The following ZNF816 variants were observed in gnomAD, a reference collection of about 807,000 sequenced individuals.
The protein encoded by ZNF816 is zinc finger protein 816.
In ZNF816, 11 loss-of-function variants were observed where a neutral mutation model predicts 8.3. The ratio of observed to expected loss-of-function variants is 1.32; its 90% confidence interval spans 0.83 to 2.19. ZNF816 has a LOEUF of 2.19. Ranked by LOEUF, ZNF816 falls within the 30% of genes most tolerant of loss-of-function variation. The pLI is 0.00. For missense variants in ZNF816, 710 were observed against 779.3 expected, an observed-to-expected ratio of 0.91 and a Z score of 1.06; for synonymous variants, 255 against 254.5, an observed-to-expected ratio of 1.00 and a Z score of -0.02.
intron 1 of ZNF816, among the ~76,000 whole-genome samples, chr19:52,961,575 A>T (rs2083557265): frequency 6.6e-6 from 1 of 152,052 alleles, no homozygotes; most frequent in South Asian, 2.1e-4. Context: ...AATTCCCTAG[A>T]CCCCCGTTAG....
At chr19:52,958,439 A>G (rs1160872980) in intron 1 of ZNF816, among the ~76,000 whole-genome samples, 11 of 152,022 alleles carry the variant, frequency 7.2e-5, no homozygotes, top group Non-Finnish European at 1.6e-4. Context: ...GTACTCTTGG[A>G]CCCGGCTTCT....
rs180913203 is a variant in ZNF816, at chr19:52,961,260, A to G, written c.-16+1467T>C. ...TGGTCCTTTCCTAGGTGACACAAGT[A>G]AAATAATAACTAGAACAGAAGAAAA... is the stretch of plus-strand genomic sequence containing the variant. On this transcript the variant is annotated intron_variant, in intron 1 of 3. Transcript: ENST00000444460. Among the ~76,000 whole-genome samples, 715 of 152,322 alleles carry G rather than the reference A, an allele frequency of 4.7e-3. 1 individual carries two copies. Among genetic ancestry groups the G allele is most frequent in the Admixed American group, 7.2e-3 (110 of 15,300 alleles).
In ZNF816 at chr19:52,951,022, A is replaced by C; in HGVS notation, c.753T>G (p.His251Gln). 3.7e-6 allele frequency: 6 copies of C among 1,614,072 alleles called. No individual in the cohort carries two copies. The highest frequency in any genetic ancestry group is 5.1e-6 in the Non-Finnish European group (6 of 1,180,016). Residue 251 changes from histidine to glutamine, a missense_variant, in exon 4 of 4, where the codon CAT becomes CAG. Transcript: ENST00000444460. ...CACATTTATATTCTCTCTCTCTTGAATGGGTTATGTGGTGTCTCCTTAAGA... is the reference window on the plus strand; with the variant it reads ...CACATTTATATTCTCTCTCTCTTGACTGGGTTATGTGGTGTCTCCTTAAGA... ...SSLLRRHHITHSREREYKCDV... is the reference protein window; with the variant it reads ...SSLLRRHHITQSREREYKCDV...
chr19:52,950,150 C>G lies in ZNF816; in HGVS notation c.1625G>C (p.Cys542Ser). ...TGAATCACTCCGGAAAGCCTTGTCA[C>G]AAACCTTACATTTGTATGGTTTTTC... ...TGEKPYKCKVCDKAFRSDSCL... is the reference protein window; with the variant it reads ...TGEKPYKCKVSDKAFRSDSCL... The change falls in exon 4 of 4, where the codon TGT (cysteine) becomes TCT (serine). Residue 542 changes from cysteine to serine, a missense_variant. Cys to Ser is a moderately radical substitution (Grantham distance 112). Coordinates refer to ENST00000444460, the MANE Select transcript of ZNF816 (RefSeq NM_001202457.3). The G allele has an allele frequency of 1.9e-6, 3 of 1,614,072 alleles. No individual in the cohort carries two copies. The highest frequency in any genetic ancestry group is 2.5e-6 in the Non-Finnish European group (3 of 1,179,990).
intron 3 of ZNF816, chr19:52,952,453 C>T: frequency 2.1e-6 from 1 of 477,106 alleles, no homozygotes; most frequent in Non-Finnish European, 3.7e-6. Context: ...TATCTCGTAT[C>T]CTGGGCCATG....
In ZNF816 at chr19:52,950,223, A is replaced by G. The variant is rs1243991340; in HGVS notation, c.1552T>C (p.Phe518Leu). Residue 518 changes from phenylalanine to leucine, a missense_variant, in exon 4 of 4, where the codon TTC becomes CTC. Phe to Leu is a conservative substitution (Grantham distance 22). Transcript: ENST00000444460. ...PYKCEECDKV[F>L]SRRSHLERHR... ...CTTTCAAGGTGTGATCTGCGACTGA[A>G]AACTTTGTCACATTCTTCACATTTG... The G allele has an allele frequency of 1.9e-6, 3 of 1,613,756 alleles. No individual in the cohort carries two copies. Among genetic ancestry groups the G allele is most frequent in the Non-Finnish European group, 1.7e-6 (2 of 1,179,952 alleles).
At chr19:52,959,650 T>A (rs764555988) in intron 1 of ZNF816, among the ~76,000 whole-genome samples, 2 of 152,234 alleles carry the variant, frequency 1.3e-5, no homozygotes, top group Non-Finnish European at 2.9e-5. Context: ...ACTCTCGGTA[T>A]GCCTTTTTAA....
chr19:52,952,984 T>C (rs2083472927), intron 2 of ZNF816, 107 bp from the exon 3 acceptor site: 3 of 1,467,838 alleles, frequency 2.0e-6, no homozygotes, highest in Non-Finnish European at 2.7e-6. Context: ...CAAGACTGTG[T>C]TCTGACAAAT....
intron 1 of ZNF816, among the ~76,000 whole-genome samples, chr19:52,962,241 GACCCATCTCC>G (rs1253980803): frequency 6.6e-6 from 1 of 152,098 alleles, no homozygotes; most frequent in Non-Finnish European, 1.5e-5. Flanking sequence ...TAGGCACAGA[GACCCATCTCC>G]AACAACAAAG....
In ZNF816 at chr19:52,949,549, A is replaced by C; in HGVS notation, c.*270T>G. 1 of 674,664 alleles carries C rather than the reference A, an allele frequency of 1.5e-6. No homozygotes were observed. The highest frequency in any genetic ancestry group is 1.5e-5 in the South Asian group (1 of 68,948). The allele number at this position is 674,664 out of a possible 1,614,324, so 41.8% of individuals were successfully genotyped here. A position where few individuals can be genotyped will look rare whatever the true frequency, so the allele number is the denominator to read the frequency against. On this transcript the variant is annotated 3_prime_UTR_variant, in exon 4 of 4. Transcript: ENST00000444460. ...GATGTCTAATGAGGTGTGAACATGA[A>C]GTAAAGGCTTTGCCACAATCATCAC...
intron 2 of ZNF816, chr19:52,953,147 G>A (rs1190347229): frequency 7.6e-6 from 3 of 396,642 alleles, no homozygotes; most frequent in Non-Finnish European, 1.2e-5. Flanking sequence ...TAAAATCCCA[G>A]CACTTTGTGA....
At chr19:52,953,702 TTAAA>T (rs1274880861) in intron 2 of ZNF816, among the ~76,000 whole-genome samples, 39 of 139,644 alleles carry the variant, frequency 2.8e-4, no homozygotes, top group African/African-American at 7.2e-4. Flanking sequence ...AAATATATTA[TTAAA>T]TAAAGATATT....
chr19:52,956,148 G>A (rs1220156712), intron 1 of ZNF816, 44 bp from the exon 2 acceptor site: 1 of 1,578,822 alleles, frequency 6.3e-7, no homozygotes, highest in Admixed American at 1.9e-5. Flanking sequence ...AGAAACCATT[G>A]ACTCCTTTCC....
At chr19:52,953,295 A>G (rs1283051455) in intron 2 of ZNF816, 1 of 323,694 alleles carries the variant, frequency 3.1e-6, no homozygotes, top group South Asian at 2.4e-5. Flanking sequence ...TGGGAGGCTG[A>G]TGCACGAGAA....
rs1177799321 is a variant in ZNF816, at chr19:52,950,012, G to A, written c.1763C>T (p.Thr588Ile). The change falls in exon 4 of 4, where the codon ACT (threonine) becomes ATT (isoleucine). Residue 588 changes from threonine (T) to isoleucine (I), a missense_variant. Coordinates refer to ENST00000444460, the MANE Select transcript of ZNF816 (RefSeq NM_001202457.3). ...ATTACACTTGTAAGGTTTCTCTCCA[G>A]TATGAACTCTCTGATGTTGTGCAAG... ...GILAQHQRVH[T>I]GEKPYKCNEC... 3 of 1,613,884 alleles carry A rather than the reference G, an allele frequency of 1.9e-6. No individual in the cohort carries two copies. Among genetic ancestry groups the A allele is most frequent in the Non-Finnish European group, 2.5e-6 (3 of 1,179,938 alleles).
intron 3 of ZNF816, 110 bp downstream of exon 3, chr19:52,952,641 T>G (rs925221181): frequency 6.4e-7 from 1 of 1,570,966 alleles, no homozygotes; most frequent in Admixed American, 1.8e-5. Context: ...AACAATGACA[T>G]GTACATCAAA....
At chr19:52,956,181 G>A (rs2083508825) in intron 1 of ZNF816, 77 bp from the exon 2 acceptor site, 2 of 1,478,246 alleles carry the variant, frequency 1.4e-6, no homozygotes, top group Admixed American at 2.1e-5. Context: ...CACACACAGG[G>A]GAAACCTCAC....
rs1246382343 is a variant in ZNF816, at chr19:52,951,579, A to G, written c.196T>C (p.Ser66Pro). ...NYRNLEFVDS[S>P]LKSMMEFSST... ...GAGAACTCCATCATGGATTTTAAAG[A>G]GCTATCTAAAAAATATAAAGACCAA... Residue 66 changes from serine (S) to proline (P), a missense_variant, in exon 4 of 4, where the codon TCT (serine) becomes CCT (proline). By Grantham distance (74) the Ser-to-Pro change is moderately conservative. Coordinates refer to ENST00000444460, the MANE Select transcript of ZNF816 (RefSeq NM_001202457.3). 6.5e-7 allele frequency: 1 copy of G among 1,535,096 alleles called. No individual in the cohort carries two copies. The highest frequency in any genetic ancestry group is 8.7e-7 in the Non-Finnish European group (1 of 1,145,626).
intron 1 of ZNF816, among the ~76,000 whole-genome samples, chr19:52,962,475 C>G (rs2083565500): frequency 6.6e-6 from 1 of 152,102 alleles, no homozygotes; most frequent in Non-Finnish European, 1.5e-5. Flanking sequence ...CACCCTGGGG[C>G]TGCGGGGCTG....
Sources: gnomAD v4.1 joint callset for allele counts (sites outside exome capture counted in the v4.1 genomes callset) on GRCh38, gnomAD v4.1.1 for gene constraint, MANE v1.5 for transcripts, NCBI Gene and HGNC (gene_info 2026-07-23, HGNC 2026-07-21) for gene names.